The following MAGI1 variants were observed in gnomAD, a reference collection of about 807,000 sequenced individuals.
MAGI1 encodes the protein membrane-associated guanylate kinase, WW and PDZ domain-containing protein 1.
In MAGI1, 58 loss-of-function variants were observed where a neutral mutation model predicts 139.9. The ratio of observed to expected loss-of-function variants is 0.41; its 90% CI spans 0.34 to 0.52. The LOEUF (loss-of-function observed/expected upper bound fraction) is 0.52. MAGI1 is among the 20% of genes least tolerant of loss of function. The probability of loss-of-function intolerance (pLI) is 0.12; values close to 1 mark genes in which losing one functional copy is unlikely to be tolerated. For synonymous variants in MAGI1, 812 were observed against 737.9 expected, an observed-to-expected ratio of 1.10 and a Z score of -1.63; for missense variants, 1,874 against 1,901.6, an observed-to-expected ratio of 0.99 and a Z score of 0.27.
chr3:65,988,314 G>C (rs527251412), intron 1 of MAGI1, among the ~76,000 whole-genome samples: 3 of 152,176 alleles, frequency 2.0e-5, no homozygotes, highest in Non-Finnish European at 2.9e-5. Context: ...GTTAAAGCAG[G>C]CATAACTGTG....
intron 1 of MAGI1, among the ~76,000 whole-genome samples, chr3:65,649,998 T>G (rs1441068873): frequency 6.6e-6 from 1 of 152,224 alleles, no homozygotes; most frequent in Non-Finnish European, 1.5e-5. Context: ...ATAGTTTAAG[T>G]GTATCTTGCC....
intron 2 of MAGI1, chr3:65,597,732 C>T (rs771188655): frequency 2.4e-5 from 11 of 456,622 alleles, no homozygotes; most frequent in Admixed American, 4.7e-5. Context: ...AGGCTTCCTC[C>T]GGCAGCGGAG....
At chr3:65,498,947 T>C (rs914448811) in intron 2 of MAGI1, 18 of 948,294 alleles carry the variant, frequency 1.9e-5, no homozygotes, top group Non-Finnish European at 2.1e-5. Context: ...TTGCCTTCAT[T>C]ACACTACATC....
intron 1 of MAGI1, among the ~76,000 whole-genome samples, chr3:65,764,925 G>A (rs1413374880): frequency 1.3e-5 from 2 of 152,188 alleles, no homozygotes; most frequent in Non-Finnish European, 2.9e-5. Flanking sequence ...CATGGCAACA[G>A]ACTATGTACT....
intron 7 of MAGI1, 35 bp downstream of exon 7, chr3:65,447,987 G>A (rs372018448): frequency 1.5e-4 from 235 of 1,612,552 alleles, no homozygotes; most frequent in South Asian, 1.6e-4. Flanking sequence ...TGTCATGCAC[G>A]TGTCATGCAG....
intron 1 of MAGI1, among the ~76,000 whole-genome samples, chr3:65,923,337 T>G (rs1324757609): frequency 6.6e-6 from 1 of 151,314 alleles, no homozygotes; most frequent in East Asian, 2.0e-4. Context: ...ACAATTCTCC[T>G]GCCTCAGTCT....
At chr3:65,587,473 T>C (rs1047899711) in intron 2 of MAGI1, among the ~76,000 whole-genome samples, 3 of 143,230 alleles carry the variant, frequency 2.1e-5, no homozygotes, top group Non-Finnish European at 4.5e-5. Flanking sequence ...TTATTATTAC[T>C]TTTTTCTTTT....
intron 1 of MAGI1, among the ~76,000 whole-genome samples, chr3:65,765,828 A>G (rs1458079674): frequency 6.6e-6 from 1 of 152,170 alleles, no homozygotes; most frequent in African/African-American, 2.4e-5. Context: ...GTCTTTCTCA[A>G]TCTTGCTTCT....
chr3:65,499,660 C>A (rs531163536), intron 2 of MAGI1, among the ~76,000 whole-genome samples: 2 of 152,062 alleles, frequency 1.3e-5, no homozygotes, highest in South Asian at 4.2e-4. Context: ...CATGCAGTTA[C>A]CTGAAGGAAT....
intron 12 of MAGI1, 155 bp from the exon 13 acceptor site, chr3:65,401,625 G>A: frequency 6.5e-7 from 1 of 1,550,098 alleles, no homozygotes; most frequent in East Asian, 2.4e-5. Context: ...TTACCAGGCT[G>A]TTCATATCGA....
chr3:65,614,365 T>C (rs79830360), intron 2 of MAGI1, among the ~76,000 whole-genome samples: 1 of 152,330 alleles, frequency 6.6e-6, no homozygotes, highest in East Asian at 1.9e-4. Flanking sequence ...CTTTGGGGTC[T>C]ATCAGACTGA....
At chr3:65,483,818 A>G (rs544401841) in intron 3 of MAGI1, among the ~76,000 whole-genome samples, 1 of 152,338 alleles carries the variant, frequency 6.6e-6, no homozygotes, top group Non-Finnish European at 1.5e-5. Flanking sequence ...TTAACAAGCA[A>G]AATCTCTGGC....
chr3:65,639,542 T>G (rs1052903696), intron 1 of MAGI1, among the ~76,000 whole-genome samples: 1 of 152,160 alleles, frequency 6.6e-6, no homozygotes, highest in African/African-American at 2.4e-5. Context: ...TCCACGTATC[T>G]GGTCAAACAG....
chr3:65,508,238 C>A (rs938768590), intron 2 of MAGI1, among the ~76,000 whole-genome samples: 2 of 151,990 alleles, frequency 1.3e-5, no homozygotes, highest in Non-Finnish European at 2.9e-5. Flanking sequence ...CCCGTCTCTA[C>A]TAAAAATACG....
chr3:65,833,609 A>G (rs977885848), intron 1 of MAGI1, among the ~76,000 whole-genome samples: 24 of 152,190 alleles, frequency 1.6e-4, no homozygotes, highest in African/African-American at 5.8e-4. Flanking sequence ...CCTATTTGTA[A>G]GTCTTTACTA....
intron 5 of MAGI1, 26 bp downstream of exon 5, chr3:65,470,257 T>C (rs1950480704): frequency 2.7e-6 from 4 of 1,481,992 alleles, no homozygotes; most frequent in African/African-American, 2.8e-5. Context: ...GAGAGAGATT[T>C]AGGTAGAAAT....
At chr3:65,562,304 C>T (rs1055507658) in intron 2 of MAGI1, among the ~76,000 whole-genome samples, 1 of 152,110 alleles carries the variant, frequency 6.6e-6, no homozygotes, top group African/African-American at 2.4e-5. Flanking sequence ...TATGAAGCAA[C>T]AAGGCAGAAG....
intron 1 of MAGI1, among the ~76,000 whole-genome samples, chr3:65,897,919 G>C (rs2061050895): frequency 6.6e-6 from 1 of 151,512 alleles, no homozygotes; most frequent in Admixed American, 6.6e-5. Context: ...TTAATGGAAA[G>C]CATTTAAGCA....
rs749949035 is a variant in MAGI1, at chr3:65,545,994, GCA to G, written c.431-52365_431-52364del. Reference sequence around the variant, plus strand: ...TGATCTCACACACACACACACACACGCACACACACACACACACACACTCTCAA... The same window carrying G: ...TGATCTCACACACACACACACACACGCACACACACACACACACACTCTCAA... On this transcript the variant is annotated intron_variant, in intron 2 of 22. Transcript: ENST00000402939. Among the ~76,000 whole-genome samples the G allele has an allele frequency of 2.3e-3, 310 of 136,474 alleles. 1 individual carries two copies. The highest frequency in any genetic ancestry group is 4.9e-3 in the African/African-American group (176 of 36,078). The allele number at this position is 136,474 out of a possible 152,430, so 89.5% of individuals were successfully genotyped here. A position where few individuals can be genotyped will look rare whatever the true frequency, so the allele number is the denominator to read the frequency against.
Sources: allele counts gnomAD v4.1 joint callset (sites outside exome capture counted in the v4.1 genomes callset), GRCh38; gene constraint gnomAD v4.1.1; transcripts MANE v1.5; gene names NCBI Gene and HGNC (gene_info 2026-07-23, HGNC 2026-07-21).